The following TNS1 variants were observed in gnomAD, a reference collection of about 807,000 sequenced individuals.
TNS1 encodes the protein tensin 1.
In TNS1, 62 loss-of-function variants were observed where a neutral mutation model predicts 168.6. The observed-to-expected ratio is 0.37, with a 90% confidence interval of 0.30 to 0.45. TNS1 has a LOEUF of 0.45. Among genes scored for constraint, TNS1 ranks in the 20% least tolerant of loss-of-function variants. The pLI is 1.00. For missense variants in TNS1, 2,240 were observed against 2,339.4 expected, an observed-to-expected ratio of 0.96 and a Z score of 0.88; for synonymous variants, 934 against 933.2, an observed-to-expected ratio of 1.00 and a Z score of -0.02.
chr2:217,818,799 C>T (rs886334021), intron 23 of TNS1, 40 bp from the exon 24 acceptor site: 21 of 1,525,052 alleles, frequency 1.4e-5, no homozygotes, highest in South Asian at 2.4e-5. Context: ...GTGGACAGAA[C>T]TGAATGAAGG....
chr2:218,019,411 T>C (rs1958788075), intron 1 of TNS1, among the ~76,000 whole-genome samples: 1 of 152,256 alleles, frequency 6.6e-6, no homozygotes, highest in South Asian at 2.1e-4. Flanking sequence ...TTGACTATAA[T>C]GAGGTGACAC....
At chr2:217,892,493 T>C in intron 11 of TNS1, among the ~76,000 whole-genome samples, 1 of 152,216 alleles carries the variant, frequency 6.6e-6, no homozygotes, top group Non-Finnish European at 1.5e-5. Flanking sequence ...TGACTGGATG[T>C]TCTTTATTCT....
At chr2:218,028,514 G>C (rs1958867808) in intron 1 of TNS1, among the ~76,000 whole-genome samples, 1 of 152,206 alleles carries the variant, frequency 6.6e-6, no homozygotes, top group Non-Finnish European at 1.5e-5. Flanking sequence ...TCTTTGCTAA[G>C]TGCCTGGGAT....
chr2:217,821,952 G>A lies in TNS1; in HGVS notation c.3374-14C>T. ...AGCTCCGGGGCTCTGGAAGGGGCAA[G>A]AGGACAGAGACACTGAGCACAGATG... is the stretch of plus-strand genomic sequence containing the variant. On this transcript the variant is annotated splice_polypyrimidine_tract_variant and intron_variant, in intron 22 of 32. Transcript: ENST00000682258. 3 of 1,572,380 alleles carry A rather than the reference G, an allele frequency of 1.9e-6. No individual in the cohort carries two copies. Among genetic ancestry groups the A allele is most frequent in the Non-Finnish European group, 2.6e-6 (3 of 1,158,846 alleles).
intron 1 of TNS1, among the ~76,000 whole-genome samples, chr2:218,018,281 A>G (rs773578852): frequency 2.6e-5 from 4 of 152,216 alleles, no homozygotes; most frequent in Non-Finnish European, 4.4e-5. Context: ...TTTTCACCCT[A>G]TTATTCCCAT....
At chr2:217,872,329 G>A (rs188783431) in intron 18 of TNS1, among the ~76,000 whole-genome samples, 17 of 152,280 alleles carry the variant, frequency 1.1e-4, no homozygotes, top group Admixed American at 5.9e-4. Context: ...CCTGTTGCCA[G>A]AATATAAAAT....
At chr2:217,939,624 C>T (rs920062155) in intron 3 of TNS1, among the ~76,000 whole-genome samples, 1 of 152,236 alleles carries the variant, frequency 6.6e-6, no homozygotes, top group African/African-American at 2.4e-5. Context: ...GCCAGAATTC[C>T]CCCCAGCCAT....
intron 16 of TNS1, among the ~76,000 whole-genome samples, chr2:217,884,232 G>A (rs1292372094): frequency 6.6e-6 from 1 of 151,186 alleles, no homozygotes; most frequent in South Asian, 2.1e-4. Context: ...GATTAATGAA[G>A]GGATGGATTA....
chr2:217,950,675 C>T (rs1427303547), intron 3 of TNS1, among the ~76,000 whole-genome samples: 2 of 150,674 alleles, frequency 1.3e-5, no homozygotes, highest in African/African-American at 4.9e-5. Context: ...CAGGCATCCT[C>T]GCCCAAAGCC....
At chr2:217,965,694 C>G (rs965820786) in intron 3 of TNS1, among the ~76,000 whole-genome samples, 1 of 152,216 alleles carries the variant, frequency 6.6e-6, no homozygotes, top group African/African-American at 2.4e-5. Context: ...CACTGCCAGG[C>G]TCACCACACC....
intron 11 of TNS1, among the ~76,000 whole-genome samples, chr2:217,891,827 A>G (rs6436018): frequency 0.95 from 145,102 of 152,230 alleles, 69,199 homozygotes; most frequent in East Asian, 1. Context: ...TGTGCAGGGC[A>G]CATCCCACAG....
At chr2:217,864,203 C>T (rs932337711) in intron 18 of TNS1, among the ~76,000 whole-genome samples, 8 of 152,214 alleles carry the variant, frequency 5.3e-5, no homozygotes, top group East Asian at 1.9e-4. Context: ...CTTCTCCCCA[C>T]CCTTACTGCT....
At chr2:217,919,686 G>A (rs2288174) in intron 4 of TNS1, among the ~76,000 whole-genome samples, 12,742 of 152,302 alleles carry the variant, frequency 0.084, 1,286 homozygotes, top group African/African-American at 0.23. Flanking sequence ...AGGCTGATTC[G>A]GGGGTGACGG....
At chr2:217,884,478 T>C (rs1442196365) in intron 16 of TNS1, among the ~76,000 whole-genome samples, 3 of 152,140 alleles carry the variant, frequency 2.0e-5, no homozygotes, top group Admixed American at 2.0e-4. Context: ...ACACCAAACC[T>C]TTCCCAACCA....
At chr2:218,029,573 A>G (rs1391414044) in intron 1 of TNS1, among the ~76,000 whole-genome samples, 1 of 152,258 alleles carries the variant, frequency 6.6e-6, no homozygotes, top group Non-Finnish European at 1.5e-5. Flanking sequence ...GCTGTCCAGC[A>G]ATGAGAAGGA....
intron 4 of TNS1, among the ~76,000 whole-genome samples, chr2:217,910,092 A>G (rs907092314): frequency 6.6e-6 from 1 of 151,962 alleles, no homozygotes; most frequent in African/African-American, 2.4e-5. Flanking sequence ...TCTTGCCCCA[A>G]CCCTCCTGGG....
chr2:217,998,666 A>T lies in TNS1; in HGVS notation c.33+4174T>A, dbSNP rs182876380. ...CAGCGCATACCACCATGCCCAGATA[A>T]CTTATTTATTTTTCGTACAGACATG... On this transcript the variant is annotated intron_variant, in intron 1 of 32. Coordinates refer to ENST00000682258, the MANE Select transcript of TNS1 (RefSeq NM_001387777.1). 5.2e-4 allele frequency among the ~76,000 whole-genome samples: 79 copies of T among 152,236 alleles called. 1 individual carries two copies. In the East Asian group the frequency reaches 0.011, roughly 22 times the overall value.
intron 3 of TNS1, among the ~76,000 whole-genome samples, chr2:217,956,233 G>A (rs1248460688): frequency 1.3e-5 from 2 of 152,078 alleles, no homozygotes; most frequent in Non-Finnish European, 2.9e-5. Context: ...GAACTCCTGG[G>A]CTAAAGGGAT....
rs776041802 is a variant in TNS1 at position 217,848,888 on chromosome 2, G to C, written c.1629C>G (p.Thr543=). The C allele has an allele frequency of 3.1e-6, 5 of 1,613,992 alleles. No individual in the cohort carries two copies. In the Admixed American group the frequency reaches 8.3e-5, roughly 27 times the overall value. ...NSTASTKTDK[T]DEPVPGASSA... ...TGGAGGCCCCGGGGACAGGCTCGTC[G>C]GTCTTGTCGGTCTTGGTGGAGGCTG... The change falls in exon 19 of 33, where the codon ACC becomes ACG. Residue 543 remains threonine, a synonymous_variant. Coordinates refer to ENST00000682258, the MANE Select transcript of TNS1 (RefSeq NM_001387777.1).
Sources: allele counts gnomAD v4.1 joint callset (sites outside exome capture counted in the v4.1 genomes callset), GRCh38; gene constraint gnomAD v4.1.1; transcripts MANE v1.5; gene names NCBI Gene and HGNC (gene_info 2026-07-23, HGNC 2026-07-21).